ALDH4A1: variants seen among roughly 807,000 people sequenced by gnomAD.
The protein encoded by ALDH4A1 is delta-1-pyrroline-5-carboxylate dehydrogenase, mitochondrial.
ALDH4A1 carries 46 observed loss-of-function variants against 70.5 expected under a neutral mutation model. The ratio of observed to expected loss-of-function variants is 0.65; its 90% CI spans 0.51 to 0.83. The LOEUF is 0.83. ALDH4A1 is among the 40% of genes least tolerant of loss of function. The pLI is 0.00. For synonymous variants in ALDH4A1, 323 were observed against 324.3 expected (o/e 1.00, Z 0.04); for missense variants, 749 against 766.5 (o/e 0.98, Z 0.27).
Position 18,871,998 on chromosome 1 carries a change from G to C in ALDH4A1, c.*847C>G, listed in dbSNP as rs971807996. On this transcript the variant is annotated 3_prime_UTR_variant, in exon 15 of 15. Transcript: ENST00000375341. ...TTGGCCTGTGTCACCATGGCACAGT[G>C]GTGGCTGAGCTCCTGCAGGGAAATC... 1 of 152,450 alleles carries C rather than the reference G, an allele frequency of 6.6e-6. No homozygotes were observed. The highest frequency in any genetic ancestry group is 1.5e-5 in the Non-Finnish European group (1 of 68,226). The allele number at this position is 152,450 out of a possible 1,614,324, so 9.4% of individuals were successfully genotyped here. A position where few individuals can be genotyped will look rare whatever the true frequency, so the allele number is the denominator to read the frequency against.
intron 3 of ALDH4A1, among the ~76,000 whole-genome samples, chr1:18,889,133 A>G (rs552779086): frequency 6.6e-6 from 1 of 152,172 alleles, no homozygotes; most frequent in Admixed American, 6.5e-5. Context: ...TGGCCCCCTC[A>G]TGGCCTTTCT....
chr1:18,877,767 A>G (rs1569732114), intron 9 of ALDH4A1, among the ~76,000 whole-genome samples, 155 bp from the exon 10 acceptor site: 1 of 152,178 alleles, frequency 6.6e-6, no homozygotes, highest in East Asian at 1.9e-4. Context: ...GCTGGCCAAC[A>G]TCCCAGAGAC....
In ALDH4A1 at chr1:18,881,771, A is replaced by C. The variant is rs771301963; in HGVS notation, c.795T>G (p.Asp265Glu). Residue 265 changes from aspartate (D) to glutamate (E), a missense_variant, in exon 8 of 15, where the codon GAT (aspartate) becomes GAG (glutamate). Transcript: ENST00000375341. ...TGACAGTGTCCCCAAATAGGGGCCC[A>C]TCAGCTGGCACAAACTGGATGATGT... ...PPNIIQFVPADGPLFGDTVTS... is the reference protein window; with the variant it reads ...PPNIIQFVPAEGPLFGDTVTS... 1.9e-6 allele frequency: 3 copies of C among 1,614,104 alleles called. No homozygotes were observed. In the South Asian group the frequency reaches 3.3e-5, roughly 18 times the overall value.
rs1019789439 is a variant in ALDH4A1, at chr1:18,877,472, A to C, written c.1081T>G (p.Trp361Gly). ...CSRLYVPHSLWPQIKGRLLEE... is the reference protein window; with the variant it reads ...CSRLYVPHSLGPQIKGRLLEE... ...AGCAGCCGCCCTTTGATCTGCGGCC[A>C]CAGCGAGTGCGGCACGTAGAGACGC... Residue 361 changes from tryptophan (W) to glycine (G), a missense_variant, in exon 10 of 15, where the codon TGG becomes GGG. Trp to Gly is a radical substitution (Grantham distance 184). Transcript: ENST00000375341. 10 of 1,597,168 alleles carry C rather than the reference A, an allele frequency of 6.3e-6. No homozygotes were observed. The African/African-American group carries it at 1.3e-4, about 21-fold the overall frequency.
intron 9 of ALDH4A1, among the ~76,000 whole-genome samples, chr1:18,878,259 T>C (rs908824880): frequency 1.3e-5 from 2 of 152,120 alleles, no homozygotes; most frequent in African/African-American, 2.4e-5. Flanking sequence ...CTCCCATTAC[T>C]ATCCCCAATT....
In ALDH4A1 at chr1:18,876,722, G is replaced by A. The variant is rs879424521; in HGVS notation, c.1186-255C>T. On this transcript the variant is annotated intron_variant, in intron 11 of 14. Coordinates refer to ENST00000375341, the MANE Select transcript of ALDH4A1 (RefSeq NM_003748.4). The stretch of plus-strand genomic sequence containing the variant: ...GTGTGTTAGTACTACAGGTGCACTC[G>A]CATATAAACACAGACACACATCAAT... Among the ~76,000 whole-genome samples, 22 of 127,280 alleles carry A rather than the reference G, an allele frequency of 1.7e-4. No individual in the cohort carries two copies. In the Admixed American group the frequency reaches 1.7e-3, roughly 10 times the overall value. 83.5% of individuals were successfully genotyped at this position (127,280 alleles called of 152,430 possible).
At chr1:18,878,423 G>C (rs1229857475) in intron 9 of ALDH4A1, among the ~76,000 whole-genome samples, 1 of 151,992 alleles carries the variant, frequency 6.6e-6, no homozygotes, top group Non-Finnish European at 1.5e-5. Context: ...CACCTTCCCT[G>C]ACACCCCCAT....
intron 7 of ALDH4A1, chr1:18,882,661 T>G (rs546316016): frequency 1.8e-6 from 1 of 542,924 alleles, no homozygotes; most frequent in African/African-American, 1.9e-5. Flanking sequence ...GAGTCACAAC[T>G]CCCTCTCGAA....
chr1:18,877,766 C>T (rs1252372621), intron 9 of ALDH4A1, among the ~76,000 whole-genome samples, 154 bp from the exon 10 acceptor site: 1 of 152,224 alleles, frequency 6.6e-6, no homozygotes, highest in African/African-American at 2.4e-5. Context: ...CGCTGGCCAA[C>T]ATCCCAGAGA....
intron 5 of ALDH4A1, among the ~76,000 whole-genome samples, chr1:18,883,718 G>GAGA (rs1204289054): frequency 1.3e-5 from 2 of 152,204 alleles, no homozygotes; most frequent in Non-Finnish European, 1.5e-5. Context: ...TCATTTCATA[G>GAGA]CAACTCTGAA....
chr1:18,882,289 G>T (rs1184515430), intron 7 of ALDH4A1, among the ~76,000 whole-genome samples: 1 of 151,920 alleles, frequency 6.6e-6, no homozygotes, highest in Non-Finnish European at 1.5e-5. Context: ...TGGGCGCCTG[G>T]CCATGCACCG....
intron 1 of ALDH4A1, among the ~76,000 whole-genome samples, chr1:18,895,859 GCAAC>G (rs1231823219): frequency 6.6e-6 from 1 of 152,192 alleles, no homozygotes; most frequent in Non-Finnish European, 1.5e-5. Context: ...GGTCCACACC[GCAAC>G]CAAAGTTAAC....
At chr1:18,882,159 C>G (rs1232028463) in intron 7 of ALDH4A1, among the ~76,000 whole-genome samples, 1 of 152,244 alleles carries the variant, frequency 6.6e-6, no homozygotes, top group Non-Finnish European at 1.5e-5. Context: ...CCTGCCATCA[C>G]CTAGGCAGGT....
intron 2 of ALDH4A1, 145 bp from the exon 3 acceptor site, chr1:18,889,599 A>T (rs1360749125): frequency 1.4e-6 from 1 of 728,236 alleles, no homozygotes; most frequent in African/African-American, 1.7e-5. Context: ...CCATCAGAGA[A>T]CATGTGCTGC....
intron 11 of ALDH4A1, among the ~76,000 whole-genome samples, chr1:18,876,769 C>T (rs959141101): frequency 1.3e-5 from 2 of 151,636 alleles, no homozygotes; most frequent in African/African-American, 4.8e-5. Flanking sequence ...TAGGCATATG[C>T]ATGGTCACAT....
chr1:18,894,413 C>G lies in ALDH4A1; in HGVS notation c.63-4308G>C, dbSNP rs115563206. 4.7e-4 allele frequency among the ~76,000 whole-genome samples: 71 copies of G among 152,236 alleles called. 1 individual carries two copies. The highest frequency in any genetic ancestry group is 3.4e-3 in the Middle Eastern group (1 of 294). On this transcript the variant is annotated intron_variant, in intron 1 of 14. Transcript: ENST00000375341. ...AAAAAATTAGCCAGACGTGGTGGCA[C>G]GCGCCTATACACCCAGCTACTCAGG...
chr1:18,875,423 G>A lies in ALDH4A1; in HGVS notation c.1419C>T (p.Thr473=), dbSNP rs149985309. Residue 473 remains threonine, a synonymous_variant, in exon 13 of 15, where the codon ACC becomes ACT. Transcript: ENST00000375341. ...CTGCCCCCGTGAGGCCATAGCTGGT[G>A]GTGCTGTCAACCAGCTGCAGCGTCT... is the stretch of plus-strand genomic sequence containing the variant. The part of the protein sequence containing the change: ...YKETLQLVDS[T]TSYGLTGAVF... 3.1e-6 allele frequency: 5 copies of A among 1,614,154 alleles called. No individual in the cohort carries two copies. The highest frequency in any genetic ancestry group is 4.2e-6 in the Non-Finnish European group (5 of 1,180,016).
At chr1:18,888,517 A>G (rs557832423) in intron 3 of ALDH4A1, among the ~76,000 whole-genome samples, 1 of 152,374 alleles carries the variant, frequency 6.6e-6, no homozygotes, top group South Asian at 2.1e-4. Flanking sequence ...AGAATGCCGG[A>G]GCCTCGCTGC....
At chr1:18,888,963 C>T (rs968169138) in intron 3 of ALDH4A1, among the ~76,000 whole-genome samples, 2 of 152,226 alleles carry the variant, frequency 1.3e-5, no homozygotes, top group Non-Finnish European at 1.5e-5. Flanking sequence ...TCCTGGCCCA[C>T]GTAAAGTGCA....
Sources: gnomAD v4.1 joint callset for allele counts (sites outside exome capture counted in the v4.1 genomes callset) on GRCh38, gnomAD v4.1.1 for gene constraint, MANE v1.5 for transcripts, NCBI Gene and HGNC (gene_info 2026-07-23, HGNC 2026-07-21) for gene names.